COL4A4: variants seen among roughly 807,000 people sequenced by gnomAD.
The protein encoded by COL4A4 is collagen alpha-4(IV) chain.
A neutral mutation model predicts 192.9 loss-of-function variants in COL4A4; 105 were observed. The observed-to-expected ratio is 0.54, with a 90% CI of 0.46 to 0.64. The LOEUF (loss-of-function observed/expected upper bound fraction) is 0.64. COL4A4 is among the 30% of genes least tolerant of loss of function. The pLI, the probability that COL4A4 is intolerant of heterozygous loss-of-function variation, is 0.00. For synonymous variants in COL4A4, 762 were observed against 769.9 expected, an observed-to-expected ratio of 0.99 and a Z score of 0.17; for missense variants, 1,967 against 2,169.3, an observed-to-expected ratio of 0.91 and a Z score of 1.85.
intron 1 of COL4A4, among the ~76,000 whole-genome samples, chr2:227,162,358 A>T (rs148846947): frequency 6.6e-6 from 1 of 152,234 alleles, no homozygotes; most frequent in African/African-American, 2.4e-5. Flanking sequence ...GGCAAAGAGA[A>T]GCATTTAACA....
chr2:227,036,812 G>T (rs572270340), intron 37 of COL4A4, among the ~76,000 whole-genome samples: 134 of 152,190 alleles, frequency 8.8e-4, no homozygotes, highest in Admixed American at 9.8e-4. Context: ...TAAAAAAAGC[G>T]GGGGGAGAAT....
chr2:227,030,568 C>T lies in COL4A4; in HGVS notation c.3848G>A (p.Ser1283Asn), dbSNP rs1395689063. 2.5e-6 allele frequency: 4 copies of T among 1,611,994 alleles called. No homozygotes were observed. The highest frequency in any genetic ancestry group is 2.2e-5 in the East Asian group (1 of 44,868). Reference sequence around the variant, plus strand: ...TGGCTCCCCTCTCAGAAGGTCAACACTCCCAGGGAGGCCTGGAGGCCCAGG... The same window carrying T: ...TGGCTCCCCTCTCAGAAGGTCAACATTCCCAGGGAGGCCTGGAGGCCCAGG... The part of the protein sequence containing the change: ...GAPGPPGLPG[S>N]VDLLRGEPGD... The change falls in exon 41 of 48, where the codon AGT becomes AAT. Residue 1283 changes from serine (S) to asparagine (N), a missense_variant. Transcript: ENST00000396625.
chr2:227,104,414 C>CAAAAAAAAAAAAA (rs60259710), intron 12 of COL4A4, among the ~76,000 whole-genome samples: 2 of 96,846 alleles, frequency 2.1e-5, no homozygotes, highest in African/African-American at 8.5e-5. Flanking sequence ...ACTAAAAATA[C>CAAAAAAAAAAAAA]AAAAAAAAAA....
At chr2:227,027,645 A>G (rs905952038) in intron 42 of COL4A4, among the ~76,000 whole-genome samples, 5 of 151,254 alleles carry the variant, frequency 3.3e-5, no homozygotes, top group Non-Finnish European at 5.9e-5. Flanking sequence ...AAAAATATAT[A>G]TATATAGAAA....
At chr2:227,024,490 C>A (rs528612400) in intron 43 of COL4A4, among the ~76,000 whole-genome samples, 1 of 151,890 alleles carries the variant, frequency 6.6e-6, no homozygotes, top group African/African-American at 2.4e-5. Flanking sequence ...ACTCTGTCTC[C>A]AAAAAAATTA....
In COL4A4 at chr2:227,108,860, C is replaced by T. The variant is rs111945121; in HGVS notation, c.666G>A (p.Pro222=). The T allele has an allele frequency of 1.3e-3, 2,097 of 1,611,676 alleles. 21 individuals are homozygous for T. The African/African-American group carries it at 0.023, about 17-fold the overall frequency. Residue 222 remains proline, a synonymous_variant, in exon 11 of 48, where the codon CCG becomes CCA. Coordinates refer to ENST00000396625, the MANE Select transcript of COL4A4 (RefSeq NM_000092.5). ...YPGEPGLVGP[P]GQPGRPGLKG... The stretch of plus-strand genomic sequence containing the variant: ...TCAAACCTGGACGCCCTGGTTGGCC[C>T]GGAGGTCCCTAAATCAAGGGAGAAA...
At chr2:227,074,529 G>A (rs755818036) in intron 25 of COL4A4, among the ~76,000 whole-genome samples, 2 of 152,092 alleles carry the variant, frequency 1.3e-5, no homozygotes, top group Non-Finnish European at 2.9e-5. Context: ...TCCACCATGC[G>A]ACCCAGCAAT....
rs534114728 is a variant in COL4A4, at chr2:227,020,024, T to A, written c.4216+2024A>T. ...ATCTACCATTACTTTAAGTTATTTA[T>A]ATTCTGCTGGCTATTTCTTTCATGG... On this transcript the variant is annotated intron_variant, in intron 44 of 47. Transcript: ENST00000396625. Among the ~76,000 whole-genome samples, 9 of 152,342 alleles carry A rather than the reference T, an allele frequency of 5.9e-5. No individual in the cohort carries two copies. The East Asian group carries it at 1.7e-3, about 29-fold the overall frequency.
chr2:227,102,876 G>A (rs768252034), intron 14 of COL4A4, 28 bp from the exon 15 acceptor site: 1 of 1,556,518 alleles, frequency 6.4e-7, no homozygotes. Context: ...ATTTAGAGGG[G>A]TTCAAGCAAC....
At chr2:227,000,977 A>G (rs993027905), downstream of COL4A4, among the ~76,000 whole-genome samples, 19 of 152,244 alleles carry the variant, frequency 1.2e-4, no homozygotes, top group Admixed American at 1.2e-3. Context: ...GGCACGTGGA[A>G]TTGTAAGTCC....
chr2:227,116,568 T>C (rs1050285034), intron 7 of COL4A4, among the ~76,000 whole-genome samples: 5 of 152,038 alleles, frequency 3.3e-5, no homozygotes, highest in African/African-American at 1.2e-4. Context: ...CCAATAATGA[T>C]GAAAATGAAG....
intron 22 of COL4A4, among the ~76,000 whole-genome samples, chr2:227,086,916 T>C (rs2059631910): frequency 6.6e-6 from 1 of 152,230 alleles, no homozygotes; most frequent in South Asian, 2.1e-4. Flanking sequence ...CAGTGGGCTT[T>C]GTACATGTGA....
At chr2:227,108,187 T>G (rs1223310411) in intron 12 of COL4A4, among the ~76,000 whole-genome samples, 1 of 152,172 alleles carries the variant, frequency 6.6e-6, no homozygotes, top group Non-Finnish European at 1.5e-5. Flanking sequence ...GATTGTGTAT[T>G]GCTCAGTGCT....
At chr2:227,143,081 T>C (rs2063329448) in intron 3 of COL4A4, among the ~76,000 whole-genome samples, 1 of 152,260 alleles carries the variant, frequency 6.6e-6, no homozygotes, top group East Asian at 1.9e-4. Flanking sequence ...AACACACTTT[T>C]GGTGATTTGG....
intron 45 of COL4A4, among the ~76,000 whole-genome samples, chr2:227,011,465 C>T (rs1447540687): frequency 6.6e-6 from 1 of 152,176 alleles, no homozygotes; most frequent in Non-Finnish European, 1.5e-5. Flanking sequence ...AGCTTTTAGC[C>T]AAAGCTCCAT....
Position 227,119,937 on chromosome 2 carries a change from AC to A in COL4A4, c.329del (p.Gly110ValfsTer11). 6.3e-7 allele frequency: 1 copy of A among 1,579,532 alleles called. No homozygotes were observed. The highest frequency in any genetic ancestry group is 8.6e-7 in the Non-Finnish European group (1 of 1,161,418). On this transcript the variant is annotated frameshift_variant and splice_region_variant, in exon 6 of 48. Coordinates refer to ENST00000396625, the MANE Select transcript of COL4A4 (RefSeq NM_000092.5). LOFTEE classifies it high-confidence loss of function. ...CTGGAAATCCAGGAACACCAGTTGGACCCTAAAATCCCAGAAAATAAAACAA... is the reference window on the plus strand; with the variant it reads ...CTGGAAATCCAGGAACACCAGTTGGACCTAAAATCCCAGAAAATAAAACAA... The part of the protein sequence containing the change: ...PGAAGDKGDK[G>X]PTGVPGFPGL...
Position 227,054,750 on chromosome 2 carries a change from G to A in COL4A4, c.2717-13C>T. ...AGCCCCCGGGGTCCTGGTGAAATGA[G>A]AGCATAAAGTTTTAGGAAAATATTT... is the stretch of plus-strand genomic sequence containing the variant. On this transcript the variant is annotated splice_polypyrimidine_tract_variant and intron_variant, in intron 30 of 47. Coordinates refer to ENST00000396625, the MANE Select transcript of COL4A4 (RefSeq NM_000092.5). 2 of 1,612,638 alleles carry A rather than the reference G, an allele frequency of 1.2e-6. No individual in the cohort carries two copies. The highest frequency in any genetic ancestry group is 1.7e-6 in the Non-Finnish European group (2 of 1,179,344).
intron 47 of COL4A4, among the ~76,000 whole-genome samples, 181 bp downstream of exon 47, chr2:227,007,835 TCA>T (rs1232420541): frequency 1.3e-5 from 2 of 152,194 alleles, no homozygotes; most frequent in African/African-American, 2.4e-5. Flanking sequence ...TCAAAATCAA[TCA>T]CAAGTGTTTT....
chr2:226,967,495 T>G, the COL4A4 span, among the ~76,000 whole-genome samples: 11 of 151,888 alleles, frequency 7.2e-5, no homozygotes, highest in African/African-American at 2.7e-4. Flanking sequence ...TAACTCGTCA[T>G]TTAACATTAG....
Sources: gnomAD v4.1 joint callset for allele counts (sites outside exome capture counted in the v4.1 genomes callset) on GRCh38, gnomAD v4.1.1 for gene constraint, MANE v1.5 for transcripts, NCBI Gene and HGNC (gene_info 2026-07-23, HGNC 2026-07-21) for gene names.